The following MEGF11 variants were observed in gnomAD, a reference collection of about 807,000 sequenced individuals.
MEGF11 encodes multiple EGF like domains 11, also known as multiple epidermal growth factor-like domains protein 11.
MEGF11 carries 126 observed loss-of-function variants against 146.6 expected under a neutral mutation model. The observed-to-expected ratio is 0.86, with a 90% confidence interval of 0.74 to 1.00. The LOEUF is 1.00. Among genes scored for constraint, MEGF11 ranks in the 50% least tolerant of loss-of-function variants. The pLI is 0.00. For missense variants in MEGF11, 1,509 were observed against 1,521.2 expected (o/e 0.99, Z 0.13); for synonymous variants, 532 against 583.4 (o/e 0.91, Z 1.27).
intron 5 of MEGF11, among the ~76,000 whole-genome samples, chr15:65,986,754 C>T: frequency 6.9e-6 from 1 of 145,638 alleles, no homozygotes; most frequent in Admixed American, 6.8e-5. Flanking sequence ...CTGTCCCAGG[C>T]TTTCCTTCCT....
At position 66,023,151 on chromosome 15, in the gene MEGF11, A is replaced by AAAAAAAAAAAC. The variant is rs768042311; in HGVS notation, c.395-40664_395-40663insGTTTTTTTTTT. ...GTGAGACTCCATCTCAAAAAAAAAA[A>AAAAAAAAAAAC]AAAACAAACTTGTTTGAAGCTCTAG... On this transcript the variant is annotated intron_variant, in intron 5 of 25. Coordinates refer to ENST00000395614, the MANE Select transcript of MEGF11 (RefSeq NM_001385028.1). Among the ~76,000 whole-genome samples the AAAAAAAAAAAC allele has an allele frequency of 1.6e-4, 24 of 150,216 alleles. No individual in the cohort carries two copies. The East Asian group carries it at 3.9e-3, about 24-fold the overall frequency.
At chr15:65,943,894 C>A (rs2080096859) in intron 10 of MEGF11, among the ~76,000 whole-genome samples, 1 of 152,094 alleles carries the variant, frequency 6.6e-6, no homozygotes, top group Non-Finnish European at 1.5e-5. Context: ...TAGGTGAGGG[C>A]TGTGTAGTGT....
At chr15:66,002,576 A>G (rs1375511946) in intron 5 of MEGF11, among the ~76,000 whole-genome samples, 1 of 152,266 alleles carries the variant, frequency 6.6e-6, no homozygotes, top group Non-Finnish European at 1.5e-5. Flanking sequence ...ACCTTGGGCA[A>G]GTTACTAAAA....
intron 5 of MEGF11, among the ~76,000 whole-genome samples, chr15:66,063,976 C>A (rs2085012191): frequency 6.6e-6 from 1 of 152,154 alleles, no homozygotes; most frequent in Non-Finnish European, 1.5e-5. Flanking sequence ...GTCAACTCTG[C>A]AGGTGGGATG....
At chr15:66,029,820 C>T (rs1427226794) in intron 5 of MEGF11, among the ~76,000 whole-genome samples, 1 of 152,220 alleles carries the variant, frequency 6.6e-6, no homozygotes, top group Non-Finnish European at 1.5e-5. Flanking sequence ...GCTTCCACTG[C>T]CTATGACTCT....
chr15:66,082,443 AAAAAAAAAAAAAAAAAAAAAAAAATCT>A (rs1457372849), intron 5 of MEGF11, among the ~76,000 whole-genome samples: 1 of 108,020 alleles, frequency 9.3e-6, no homozygotes, highest in African/African-American at 4.0e-5. Flanking sequence ...AAAAAAAAAA[AAAAAAAAAAAAAAAAAAAAAAAAATCT>A]ATCTATCTAT....
At chr15:66,021,162 G>A (rs2083114109) in intron 5 of MEGF11, among the ~76,000 whole-genome samples, 1 of 152,054 alleles carries the variant, frequency 6.6e-6, no homozygotes, top group Non-Finnish European at 1.5e-5. Flanking sequence ...CAGGGACAAC[G>A]CTTGGGGAGC....
chr15:66,152,082 C>G (rs1158904000), intron 1 of MEGF11, among the ~76,000 whole-genome samples: 1 of 152,200 alleles, frequency 6.6e-6, no homozygotes, highest in Non-Finnish European at 1.5e-5. Flanking sequence ...GGTTTTCATT[C>G]CAGGAGCTCT....
chr15:66,199,013 C>G (rs2091083154), intron 1 of MEGF11, among the ~76,000 whole-genome samples: 1 of 152,152 alleles, frequency 6.6e-6, no homozygotes, highest in African/African-American at 2.4e-5. Flanking sequence ...CCCTTTCTCT[C>G]CCTCTGGAGG....
At chr15:66,122,142 A>G (rs1427504893) in intron 3 of MEGF11, among the ~76,000 whole-genome samples, 5 of 152,142 alleles carry the variant, frequency 3.3e-5, no homozygotes, top group Non-Finnish European at 5.9e-5. Flanking sequence ...GGGTGCCTGT[A>G]ATCCCAGCTT....
chr15:66,227,083 C>A (rs755920315), intron 1 of MEGF11, among the ~76,000 whole-genome samples: 26 of 152,182 alleles, frequency 1.7e-4, no homozygotes, highest in East Asian at 5.8e-4. Flanking sequence ...TGAAAGACAT[C>A]TCTGAGGATT....
In MEGF11 at chr15:66,046,612, C is replaced by T. The variant is rs184125691; in HGVS notation, c.394+47790G>A. 2.2e-3 allele frequency among the ~76,000 whole-genome samples: 336 copies of T among 152,274 alleles called. 3 individuals are homozygous for T. The highest frequency in any genetic ancestry group is 7.4e-3 in the African/African-American group (308 of 41,564). On this transcript the variant is annotated intron_variant, in intron 5 of 25. Transcript: ENST00000395614. The stretch of plus-strand genomic sequence containing the variant: ...TCTCACGCAGGCTTAGGCTGAGTGC[C>T]GGGGCCAAGGGGGCTTCCTTGTTTG...
chr15:66,182,980 G>A (rs115146412), intron 1 of MEGF11, among the ~76,000 whole-genome samples: 266 of 152,290 alleles, frequency 1.7e-3, no homozygotes, highest in African/African-American at 6.1e-3. Flanking sequence ...GTAAAGAGCC[G>A]CATATCGGAT....
chr15:65,905,302 A>C (rs768255738), intron 24 of MEGF11: 9 of 152,240 alleles, frequency 5.9e-5, no homozygotes, highest in Admixed American at 2.0e-4. Context: ...TTGGTTACTC[A>C]TGATAACCTT....
chr15:65,992,175 T>C (rs1385435099), intron 5 of MEGF11, among the ~76,000 whole-genome samples: 1 of 152,186 alleles, frequency 6.6e-6, no homozygotes, highest in African/African-American at 2.4e-5. Flanking sequence ...CTCATCTCTA[T>C]TGCCGTAGCT....
intron 7 of MEGF11, among the ~76,000 whole-genome samples, chr15:65,977,921 T>C (rs2081506030): frequency 6.6e-6 from 1 of 152,194 alleles, no homozygotes; most frequent in Non-Finnish European, 1.5e-5. Context: ...GTTTCTCTGC[T>C]TTGAAAGGTC....
At chr15:65,932,640 T>C (rs2079619851) in intron 10 of MEGF11, among the ~76,000 whole-genome samples, 2 of 151,086 alleles carry the variant, frequency 1.3e-5, no homozygotes, top group South Asian at 4.2e-4. Flanking sequence ...GTGAAGGAGA[T>C]AGGTAAAAGT....
chr15:65,984,927 C>T (rs1319813696), intron 5 of MEGF11, among the ~76,000 whole-genome samples: 3 of 152,004 alleles, frequency 2.0e-5, no homozygotes, highest in Non-Finnish European at 1.5e-5. Context: ...TGCCACCACG[C>T]CTGGCTAATT....
At position 65,969,044 on chromosome 15, in the gene MEGF11, C is replaced by A. The variant is rs550242512; in HGVS notation, c.899+1509G>T. ...ATTGAACCCTCCTGTGGTTGATTGGCAAAGCTTGCTGGAGGGCCCCTTGGC... is the reference window on the plus strand; with the variant it reads ...ATTGAACCCTCCTGTGGTTGATTGGAAAAGCTTGCTGGAGGGCCCCTTGGC... On this transcript the variant is annotated intron_variant, in intron 8 of 25. Coordinates refer to ENST00000395614, the MANE Select transcript of MEGF11 (RefSeq NM_001385028.1). Among the ~76,000 whole-genome samples the A allele has an allele frequency of 6.4e-4, 97 of 152,268 alleles. 1 individual carries two copies. Among genetic ancestry groups the A allele is most frequent in the African/African-American group, 2.3e-3 (95 of 41,546 alleles).
Sources: allele counts gnomAD v4.1 joint callset (sites outside exome capture counted in the v4.1 genomes callset), GRCh38; gene constraint gnomAD v4.1.1; transcripts MANE v1.5; gene names NCBI Gene and HGNC (gene_info 2026-07-23, HGNC 2026-07-21).